Variants in ANXA8 observed in about 807,000 individuals in gnomAD.
The protein encoded by ANXA8 is annexin A8.
A neutral mutation model predicts 26.8 loss-of-function variants in ANXA8; 9 were observed. The observed-to-expected ratio is 0.34, with a 90% CI of 0.20 to 0.59. ANXA8 has a LOEUF of 0.59. Among genes scored for constraint, ANXA8 ranks in the 20% least tolerant of loss-of-function variants. The probability of loss-of-function intolerance (pLI) is 0.84; values close to 1 mark genes in which losing one functional copy is unlikely to be tolerated. For missense variants in ANXA8, 83 were observed against 238.5 expected, an observed-to-expected ratio of 0.35 and a Z score of 4.29; for synonymous variants, 39 against 94.8, an observed-to-expected ratio of 0.41 and a Z score of 3.42.
the ANXA8 span, among the ~76,000 whole-genome samples, chr10:47,513,175 C>T: frequency 6.7e-6 from 1 of 149,642 alleles, no homozygotes; most frequent in Non-Finnish European, 1.5e-5. Context: ...GATGGGATAA[C>T]AGGTGAGCGC....
the ANXA8 span, among the ~76,000 whole-genome samples, chr10:47,628,682 C>T: frequency 6.7e-6 from 1 of 149,894 alleles, no homozygotes; most frequent in East Asian, 1.9e-4. Context: ...CCTCTCAGCA[C>T]CTCACTGCTC....
the ANXA8 span, among the ~76,000 whole-genome samples, chr10:47,979,095 A>G: frequency 1.3e-5 from 2 of 151,224 alleles, no homozygotes; most frequent in Non-Finnish European, 3.0e-5. Context: ...ACATTTTATA[A>G]TTGTAAAAGT....
chr10:47,670,481 G>T, the ANXA8 span, among the ~76,000 whole-genome samples: 1 of 152,102 alleles, frequency 6.6e-6, no homozygotes, highest in African/African-American at 2.4e-5. Context: ...ATTCCTATTA[G>T]CAATACACAA....
chr10:47,733,075 A>C, the ANXA8 span, among the ~76,000 whole-genome samples: 1 of 151,616 alleles, frequency 6.6e-6, no homozygotes, highest in Non-Finnish European at 1.5e-5. Context: ...CACATAAATG[A>C]GGGTAGTACC....
At chr10:47,682,469 CTTTT>C in the ANXA8 span, among the ~76,000 whole-genome samples, 2 of 121,650 alleles carry the variant, frequency 1.6e-5, no homozygotes, top group Non-Finnish European at 3.4e-5. Context: ...CTTTCTTTTT[CTTTT>C]TTTTTTTTTT....
the ANXA8 span, among the ~76,000 whole-genome samples, chr10:47,585,136 G>C: frequency 3.3e-4 from 44 of 132,928 alleles, no homozygotes; most frequent in Non-Finnish European, 5.8e-4. Context: ...GGTGGTGGGC[G>C]CCTGTAATCC....
In ANXA8 at chr10:47,483,962, G is replaced by A; in HGVS notation, c.-29C>T. ...TTTCACCTCGGGGGCACCTTTCCCA[G>A]GGAGATGAAGAGACACAGGTTGGCC... On this transcript the variant is annotated 5_prime_UTR_variant, in exon 1 of 12. Coordinates refer to ENST00000585281, the MANE Select transcript of ANXA8 (RefSeq NM_001040084.3). 2 of 1,611,660 alleles carry A rather than the reference G, an allele frequency of 1.2e-6. No individual in the cohort carries two copies. Among genetic ancestry groups the A allele is most frequent in the East Asian group, 2.2e-5 (1 of 44,872 alleles).
chr10:47,555,342 G>A, the ANXA8 span, among the ~76,000 whole-genome samples: 1 of 151,162 alleles, frequency 6.6e-6, no homozygotes, highest in South Asian at 2.1e-4. Context: ...TTCCTCTGAT[G>A]AGGTGCAGGG....
the ANXA8 span, among the ~76,000 whole-genome samples, chr10:47,918,431 A>AAGAAAGAAAGAAAGAAAGAG: frequency 3.2e-5 from 1 of 31,112 alleles, no homozygotes; most frequent in East Asian, 5.7e-4. Flanking sequence ...GAAAGAAAGA[A>AAGAAAGAAAGAAAGAAAGAG]AGAGAGAGAG....
At chr10:47,486,921 C>T (rs1339851708), upstream of ANXA8, among the ~76,000 whole-genome samples, 4 of 149,434 alleles carry the variant, frequency 2.7e-5, no homozygotes, top group East Asian at 2.0e-4. Context: ...TGCAGTGAGC[C>T]GAGATCACAC....
the ANXA8 span, among the ~76,000 whole-genome samples, chr10:47,898,811 A>ATTTTG: frequency 1.8e-5 from 1 of 56,242 alleles, no homozygotes; most frequent in Non-Finnish European, 2.9e-5. Flanking sequence ...AAGAGAATGG[A>ATTTTG]TTTTTTTTTT....
chr10:47,646,935 C>T, the ANXA8 span, among the ~76,000 whole-genome samples: 1 of 152,262 alleles, frequency 6.6e-6, no homozygotes, highest in Admixed American at 6.5e-5. Context: ...TATTTAACAA[C>T]CAGTTCACTG....
At chr10:47,630,416 T>C in the ANXA8 span, among the ~76,000 whole-genome samples, 2 of 149,884 alleles carry the variant, frequency 1.3e-5, no homozygotes, top group African/African-American at 5.1e-5. Flanking sequence ...ACTCAAAATG[T>C]TATTGAGGTT....
At chr10:47,573,740 CT>C in the ANXA8 span, among the ~76,000 whole-genome samples, 1 of 38,666 alleles carries the variant, frequency 2.6e-5, no homozygotes, top group African/African-American at 7.7e-5. Context: ...GTAGGTTAGA[CT>C]TCATGAGATT....
chr10:47,941,739 TGTC>T, the ANXA8 span, among the ~76,000 whole-genome samples: 6 of 147,888 alleles, frequency 4.1e-5, 1 homozygote, highest in African/African-American at 1.6e-4. Context: ...CCACTATGTT[TGTC>T]ATCAGTGAAG....
the ANXA8 span, among the ~76,000 whole-genome samples, chr10:47,548,223 G>A: frequency 6.9e-6 from 1 of 145,096 alleles, no homozygotes; most frequent in Non-Finnish European, 1.5e-5. Flanking sequence ...TGTAGCTCTA[G>A]CAAAAACTAA....
At chr10:47,484,822 T>C (rs2132443403), upstream of ANXA8, 1 of 483,224 alleles carries the variant, frequency 2.1e-6, no homozygotes, top group Non-Finnish European at 3.6e-6. Flanking sequence ...CAGGAGGGGC[T>C]TCTCTGTAGC....
At chr10:47,653,049 C>T in the ANXA8 span, among the ~76,000 whole-genome samples, 34 of 151,070 alleles carry the variant, frequency 2.3e-4, no homozygotes, top group African/African-American at 7.4e-4. Flanking sequence ...CAGTGGCTCA[C>T]GCCTATAATC....
chr10:47,704,142 A>C, the ANXA8 span, among the ~76,000 whole-genome samples: 3,137 of 131,932 alleles, frequency 0.024, 160 homozygotes, highest in African/African-American at 0.071. Context: ...TAAATAACAT[A>C]TACATTTTAA....
Sources: allele counts gnomAD v4.1 joint callset (sites outside exome capture counted in the v4.1 genomes callset), GRCh38; gene constraint gnomAD v4.1.1; transcripts MANE v1.5; gene names NCBI Gene and HGNC (gene_info 2026-07-23, HGNC 2026-07-21).